Variants in CPED1 observed in about 807,000 individuals in gnomAD.
The protein encoded by CPED1 is cadherin-like and PC-esterase domain-containing protein 1.
A neutral mutation model predicts 128.2 loss-of-function variants in CPED1; 114 were observed. The observed-to-expected ratio is 0.89, with a 90% CI of 0.76 to 1.04. The LOEUF is 1.04. CPED1 is among the 50% of genes least tolerant of loss of function. The pLI, the probability that CPED1 is intolerant of heterozygous loss-of-function variation, is 0.00. For missense variants in CPED1, 1,211 were observed against 1,207.1 expected (o/e 1.00, Z -0.05); for synonymous variants, 462 against 426.7 (o/e 1.08, Z -1.02).
chr7:121,185,347 A>G (rs921996654), intron 16 of CPED1, among the ~76,000 whole-genome samples: 2 of 152,202 alleles, frequency 1.3e-5, no homozygotes, highest in African/African-American at 4.8e-5. Flanking sequence ...TATATTTCAT[A>G]AATGACTATG....
At chr7:121,190,340 C>T (rs1214081384) in intron 16 of CPED1, among the ~76,000 whole-genome samples, 6 of 138,160 alleles carry the variant, frequency 4.3e-5, no homozygotes, top group South Asian at 2.3e-4. Flanking sequence ...TGCAGTGAGC[C>T]GAGATCGCGC....
chr7:121,034,493 G>C (rs555282924), intron 3 of CPED1, among the ~76,000 whole-genome samples: 1 of 151,900 alleles, frequency 6.6e-6, no homozygotes, highest in African/African-American at 2.4e-5. Flanking sequence ...TGATCTGCCC[G>C]CCTCTGCCTT....
At chr7:121,051,693 T>C (rs1793359106) in intron 4 of CPED1, 1 of 286,396 alleles carries the variant, frequency 3.5e-6, no homozygotes, top group Non-Finnish European at 6.7e-6. Flanking sequence ...GTAAGATCTG[T>C]GGTTGTGGTA....
chr7:121,211,629 T>C (rs1467630245), intron 16 of CPED1, among the ~76,000 whole-genome samples: 1 of 152,000 alleles, frequency 6.6e-6, no homozygotes, highest in East Asian at 1.9e-4. Context: ...TGAGAATCAA[T>C]GGCAGAAGGC....
chr7:121,224,787 C>CTTTTTTTTTT (rs143087799), intron 16 of CPED1, among the ~76,000 whole-genome samples: 211 of 56,202 alleles, frequency 3.8e-3, no homozygotes, highest in African/African-American at 4.0e-3. Context: ...GCAACCCCTG[C>CTTTTTTTTTT]TTTTTTTTTT....
chr7:121,224,231 A>G (rs1342885443), intron 16 of CPED1, among the ~76,000 whole-genome samples: 1 of 152,172 alleles, frequency 6.6e-6, no homozygotes, highest in Non-Finnish European at 1.5e-5. Context: ...GTAGTCATTC[A>G]GGAGCAGGTT....
intron 22 of CPED1, among the ~76,000 whole-genome samples, chr7:121,291,037 C>T (rs1461089286): frequency 1.3e-5 from 2 of 152,162 alleles, no homozygotes; most frequent in African/African-American, 4.8e-5. Flanking sequence ...CCAGTTTTCC[C>T]AACACTATTT....
intron 16 of CPED1, among the ~76,000 whole-genome samples, chr7:121,215,548 A>G (rs1423008769): frequency 6.6e-6 from 1 of 152,100 alleles, no homozygotes; most frequent in African/African-American, 2.4e-5. Flanking sequence ...GAAGTTATAT[A>G]TTTTTAACAA....
At chr7:121,106,774 A>G (rs528768536) in intron 7 of CPED1, among the ~76,000 whole-genome samples, 20 of 152,088 alleles carry the variant, frequency 1.3e-4, no homozygotes, top group Non-Finnish European at 1.9e-4. Flanking sequence ...GGATCCTGGA[A>G]GTGTATTGCC....
chr7:121,080,710 T>TACACAC, intron 5 of CPED1, among the ~76,000 whole-genome samples: 1 of 151,014 alleles, frequency 6.6e-6, no homozygotes, highest in South Asian at 2.1e-4. Context: ...ACCTTCATTT[T>TACACAC]ACACACACAC....
intron 18 of CPED1, among the ~76,000 whole-genome samples, chr7:121,260,108 C>T (rs10259598): frequency 0.1 from 15,618 of 151,526 alleles, 1,054 homozygotes; most frequent in African/African-American, 0.18. Context: ...TGCCCTCCTT[C>T]GCATTCAATA....
chr7:121,092,108 A>T (rs1280082734), intron 5 of CPED1, among the ~76,000 whole-genome samples: 1 of 152,042 alleles, frequency 6.6e-6, no homozygotes, highest in African/African-American at 2.4e-5. Flanking sequence ...GGCTTTGCTG[A>T]TATTAGGCCT....
chr7:121,043,704 G>A (rs1389857514), intron 3 of CPED1, among the ~76,000 whole-genome samples: 1 of 152,090 alleles, frequency 6.6e-6, no homozygotes, highest in Non-Finnish European at 1.5e-5. Context: ...TGTGGGAAGT[G>A]GCTCCAGCCA....
chr7:121,254,679 A>G (rs1798764113), intron 18 of CPED1, among the ~76,000 whole-genome samples: 1 of 151,958 alleles, frequency 6.6e-6, no homozygotes, highest in Non-Finnish European at 1.5e-5. Context: ...CAACAACAAA[A>G]AAGAGAGATC....
intron 7 of CPED1, among the ~76,000 whole-genome samples, chr7:121,103,202 T>C (rs1359379747): frequency 1.3e-5 from 2 of 152,186 alleles, no homozygotes; most frequent in Non-Finnish European, 2.9e-5. Context: ...GTGAGACAGA[T>C]GCAAGCTGCG....
Position 121,184,938 on chromosome 7 carries a change from C to A in CPED1, c.2055+42797C>A, listed in dbSNP as rs182409107. Among the ~76,000 whole-genome samples, 113 of 152,098 alleles carry A rather than the reference C, an allele frequency of 7.4e-4. No individual in the cohort carries two copies. The Middle Eastern group carries it at 0.014, about 18-fold the overall frequency. On this transcript the variant is annotated intron_variant, in intron 16 of 22. Transcript: ENST00000310396. ...TGCTATGTCTGGAACCATTTAATTC[C>A]TATGGTTAAATGAAGAGTGAAGCAG...
intron 16 of CPED1, among the ~76,000 whole-genome samples, chr7:121,204,856 T>A (rs1449066939): frequency 6.6e-6 from 1 of 152,130 alleles, no homozygotes; most frequent in African/African-American, 2.4e-5. Flanking sequence ...GTGTTGAAGC[T>A]TTATATAGCT....
At chr7:121,188,109 T>C (rs1242348060) in intron 16 of CPED1, among the ~76,000 whole-genome samples, 1 of 152,198 alleles carries the variant, frequency 6.6e-6, no homozygotes, top group Non-Finnish European at 1.5e-5. Flanking sequence ...AGTGTTTGTC[T>C]TTTAGAAATA....
intron 16 of CPED1, among the ~76,000 whole-genome samples, chr7:121,224,787 C>CTTTTTTT (rs143087799): frequency 1.8e-5 from 1 of 56,252 alleles, no homozygotes; most frequent in African/African-American, 7.6e-5. Flanking sequence ...GCAACCCCTG[C>CTTTTTTT]TTTTTTTTTT....
Sources: allele counts gnomAD v4.1 joint callset (sites outside exome capture counted in the v4.1 genomes callset), GRCh38; gene constraint gnomAD v4.1.1; transcripts MANE v1.5; gene names NCBI Gene and HGNC (gene_info 2026-07-23, HGNC 2026-07-21).